Variants in TRERF1 observed in about 807,000 individuals in gnomAD.
TRERF1 encodes the protein transcriptional-regulating factor 1.
A neutral mutation model predicts 122.9 loss-of-function variants in TRERF1; 27 were observed. The ratio of observed to expected loss-of-function variants is 0.22; its 90% confidence interval spans 0.16 to 0.30. TRERF1 has a LOEUF of 0.30. Among genes scored for constraint, TRERF1 ranks in the 10% least tolerant of loss-of-function variants. TRERF1 has a pLI of 1.00. For synonymous variants in TRERF1, 636 were observed against 641.7 expected (o/e 0.99, Z 0.13); for missense variants, 1,248 against 1,560.3 (o/e 0.80, Z 3.37).
intron 4 of TRERF1, among the ~76,000 whole-genome samples, chr6:42,293,063 G>A (rs1014943599): frequency 2.0e-5 from 3 of 152,194 alleles, no homozygotes; most frequent in Admixed American, 2.0e-4. Flanking sequence ...CCAGGAAATC[G>A]GGTCTGGAGT....
At chr6:42,436,814 A>AAAAAAAAAAAAAAAATATATAT (rs61427173) in intron 2 of TRERF1, among the ~76,000 whole-genome samples, 1 of 66,694 alleles carries the variant, frequency 1.5e-5, no homozygotes, top group African/African-American at 5.3e-5. Flanking sequence ...AAAAAAAAAA[A>AAAAAAAAAAAAAAAATATATAT]ATATATATAT....
At chr6:42,251,561 A>G (rs1268403491) in intron 13 of TRERF1, among the ~76,000 whole-genome samples, 1 of 151,994 alleles carries the variant, frequency 6.6e-6, no homozygotes, top group Non-Finnish European at 1.5e-5. Context: ...GTGCCATGTT[A>G]GGCAAGGTAA....
At chr6:42,262,466 G>GA (rs747014228) in intron 8 of TRERF1, among the ~76,000 whole-genome samples, 1,612 of 6,392 alleles carry the variant, frequency 0.25, 346 homozygotes, top group Admixed American at 0.28. Flanking sequence ...GAGAGAGAGA[G>GA]GAGAGAGAGA....
In TRERF1 at chr6:42,370,987, A is replaced by T. The variant is rs572891712; in HGVS notation, c.-453-7908T>A. ...AGTCTCTGCAAAGGGGAGCAGCCAC[A>T]TACAATCCAAGTAACCCTCAGGCCC... On this transcript the variant is annotated intron_variant, in intron 2 of 17. Transcript: ENST00000372922. 2.6e-5 allele frequency among the ~76,000 whole-genome samples: 4 copies of T among 152,310 alleles called. No individual in the cohort carries two copies. The East Asian group carries it at 7.7e-4, about 29-fold the overall frequency.
rs550563875 is a variant in TRERF1 at position 42,282,569 on chromosome 6, G to A, written c.-258-12721C>T. ...TCCCAAACAAACAAACAAACAAACC[G>A]AACCAAAACAAAACAAAAAATCCAA... is the stretch of plus-strand genomic sequence containing the variant. On this transcript the variant is annotated intron_variant, in intron 4 of 17. Transcript: ENST00000372922. 3.3e-5 allele frequency among the ~76,000 whole-genome samples: 5 copies of A among 151,870 alleles called. No individual in the cohort carries two copies. In the South Asian group the frequency reaches 8.3e-4, roughly 25 times the overall value.
chr6:42,365,489 C>T (rs1161669176), intron 2 of TRERF1, among the ~76,000 whole-genome samples: 5 of 152,190 alleles, frequency 3.3e-5, no homozygotes, highest in African/African-American at 9.7e-5. Context: ...CCCCTAATCC[C>T]TCCCAGTCAC....
intron 17 of TRERF1, among the ~76,000 whole-genome samples, chr6:42,230,883 C>T (rs557289866): frequency 2.3e-4 from 35 of 152,262 alleles, no homozygotes; most frequent in Non-Finnish European, 3.4e-4. Flanking sequence ...GCCAGGCCAG[C>T]CTGCATGGTG....
At chr6:42,317,424 GGCTTGCTGC>G (rs1762676506) in intron 3 of TRERF1, among the ~76,000 whole-genome samples, 1 of 151,662 alleles carries the variant, frequency 6.6e-6, no homozygotes, top group African/African-American at 2.4e-5. Flanking sequence ...GCATGATCAT[GGCTTGCTGC>G]AGCCTCAACC....
At chr6:42,258,578 C>T (rs1251420772) in intron 9 of TRERF1, among the ~76,000 whole-genome samples, 2 of 152,180 alleles carry the variant, frequency 1.3e-5, no homozygotes, top group Non-Finnish European at 2.9e-5. Flanking sequence ...CTACTGAGTA[C>T]ATTTTCTTTT....
chr6:42,381,987 T>C (rs1776017117), intron 2 of TRERF1, among the ~76,000 whole-genome samples: 1 of 151,618 alleles, frequency 6.6e-6, no homozygotes, highest in South Asian at 2.1e-4. Context: ...AATGGCACTA[T>C]TGTAAGCACT....
chr6:42,251,722 A>C (rs1163502427), intron 13 of TRERF1, among the ~76,000 whole-genome samples: 1 of 152,142 alleles, frequency 6.6e-6, no homozygotes, highest in Non-Finnish European at 1.5e-5. Context: ...GGCAGCTTCC[A>C]AGGCAGAAGA....
At chr6:42,438,502 T>G (rs1785874241) in intron 2 of TRERF1, among the ~76,000 whole-genome samples, 1 of 150,746 alleles carries the variant, frequency 6.6e-6, no homozygotes. Flanking sequence ...CCCAGCTACT[T>G]GGGAGGCTGA....
intron 2 of TRERF1, among the ~76,000 whole-genome samples, chr6:42,409,402 T>C (rs1780783823): frequency 1.3e-5 from 2 of 152,256 alleles, no homozygotes; most frequent in Non-Finnish European, 2.9e-5. Context: ...CTTGTTTGCT[T>C]AGAGAAGTCT....
At chr6:42,317,194 T>C (rs912172820) in intron 3 of TRERF1, among the ~76,000 whole-genome samples, 9 of 152,066 alleles carry the variant, frequency 5.9e-5, no homozygotes, top group Non-Finnish European at 1.3e-4. Flanking sequence ...ATTTGAGTAA[T>C]AACTCCAGTC....
At chr6:42,398,985 A>T (rs973374650) in intron 2 of TRERF1, among the ~76,000 whole-genome samples, 1 of 152,112 alleles carries the variant, frequency 6.6e-6, no homozygotes, top group Non-Finnish European at 1.5e-5. Flanking sequence ...TACCTCAATC[A>T]ATTCCCATCC....
At chr6:42,356,759 AGAC>A in intron 3 of TRERF1, among the ~76,000 whole-genome samples, 1 of 151,858 alleles carries the variant, frequency 6.6e-6, no homozygotes, top group Non-Finnish European at 1.5e-5. Context: ...GTATTTTTAG[AGAC>A]GTGGTTTTGC....
chr6:42,411,005 C>A (rs1456005397), intron 2 of TRERF1, among the ~76,000 whole-genome samples: 1 of 152,140 alleles, frequency 6.6e-6, no homozygotes, highest in Admixed American at 6.5e-5. Context: ...GCTGGCTGGG[C>A]TCACAGGGAC....
At chr6:42,388,217 T>G (rs1777122780) in intron 2 of TRERF1, among the ~76,000 whole-genome samples, 1 of 150,130 alleles carries the variant, frequency 6.7e-6, no homozygotes, top group Admixed American at 6.6e-5. Flanking sequence ...GCAGTTTTGA[T>G]TTCTTTCTTT....
rs182663245 is a variant in TRERF1, at chr6:42,447,468, T to G, written c.-454+3709A>C. Among the ~76,000 whole-genome samples the G allele has an allele frequency of 7.2e-5, 11 of 152,338 alleles. No individual in the cohort carries two copies. The East Asian group carries it at 2.1e-3, about 29-fold the overall frequency. On this transcript the variant is annotated intron_variant, in intron 2 of 17. Coordinates refer to ENST00000372922, the Ensembl canonical transcript of TRERF1. ...CTCTCTCCACAAAAGAAATCAACTA[T>G]TCGTTAGTTCTCCTTTATTTTACTG...
Sources: allele counts gnomAD v4.1 joint callset (sites outside exome capture counted in the v4.1 genomes callset), GRCh38; gene constraint gnomAD v4.1.1; transcripts MANE v1.5; gene names NCBI Gene and HGNC (gene_info 2026-07-23, HGNC 2026-07-21).